YTHDC1: variants seen among roughly 807,000 people sequenced by gnomAD.
YTHDC1 encodes YTH N6-methyladenosine RNA binding protein C1, also known as YTH domain-containing protein 1.
Under a neutral mutation model 107.0 loss-of-function variants are expected in YTHDC1, and 12 were observed. The observed-to-expected ratio is 0.11, with a 90% CI of 0.07 to 0.18. YTHDC1 has a LOEUF of 0.18. YTHDC1 is among the 10% of genes least tolerant of loss of function. The pLI, the probability that YTHDC1 is intolerant of heterozygous loss-of-function variation, is 1.00. For synonymous variants in YTHDC1, 280 were observed against 289.5 expected, an observed-to-expected ratio of 0.97 and a Z score of 0.33; for missense variants, 635 against 898.8, an observed-to-expected ratio of 0.71 and a Z score of 3.75.
At chr4:68,345,775 T>C (rs1725338950) in intron 1 of YTHDC1, among the ~76,000 whole-genome samples, 1 of 152,128 alleles carries the variant, frequency 6.6e-6, no homozygotes, top group Non-Finnish European at 1.5e-5. Context: ...AGGGCCATAG[T>C]ATATACACAT....
At chr4:68,334,686 T>C (rs558938804) in intron 4 of YTHDC1, among the ~76,000 whole-genome samples, 1 of 152,282 alleles carries the variant, frequency 6.6e-6, no homozygotes, top group African/African-American at 2.4e-5. Context: ...CTGAGTGTAA[T>C]TTATCTCTTG....
In YTHDC1 at chr4:68,349,807, CGCGCGGGCGCCGCAGCCGCGGCAGAA is replaced by C; in HGVS notation, c.-80_-55del. On this transcript the variant is annotated 5_prime_UTR_variant, in exon 1 of 17. Coordinates refer to ENST00000344157, the MANE Select transcript of YTHDC1 (RefSeq NM_001031732.4). ...CCGCCGCCGCCGCTTAGACGCGACT[CGCGCGGGCGCCGCAGCCGCGGCAGAA>C]GCACGGGCCCGTCCGTCAGTCCGTC... is the stretch of plus-strand genomic sequence containing the variant. 2.5e-6 allele frequency: 4 copies of C among 1,610,232 alleles called. No homozygotes were observed. The highest frequency in any genetic ancestry group is 1.1e-5 in the South Asian group (1 of 90,932).
At chr4:68,324,928 T>A (rs1038522397) in intron 9 of YTHDC1, among the ~76,000 whole-genome samples, 2 of 152,140 alleles carry the variant, frequency 1.3e-5, no homozygotes, top group Admixed American at 6.6e-5. Flanking sequence ...TAAAAAGATA[T>A]CCTCTATTTT....
intron 1 of YTHDC1, among the ~76,000 whole-genome samples, chr4:68,343,450 C>G (rs1466119864): frequency 2.0e-5 from 3 of 150,108 alleles, no homozygotes; most frequent in Non-Finnish European, 3.0e-5. Flanking sequence ...GATCCACCTG[C>G]CTTGGCCTCC....
intron 10 of YTHDC1, among the ~76,000 whole-genome samples, chr4:68,323,176 C>T (rs1722619950): frequency 6.6e-6 from 1 of 151,994 alleles, no homozygotes; most frequent in African/African-American, 2.4e-5. Context: ...GTGACAACCA[C>T]CCTCTGAAAA....
intron 9 of YTHDC1, among the ~76,000 whole-genome samples, chr4:68,329,311 G>A (rs1393970620): frequency 6.6e-6 from 1 of 152,054 alleles, no homozygotes; most frequent in Non-Finnish European, 1.5e-5. Flanking sequence ...TCCATCATAT[G>A]CATAGCATTT....
At chr4:68,335,124 T>C (rs548216307) in intron 4 of YTHDC1, among the ~76,000 whole-genome samples, 2 of 152,278 alleles carry the variant, frequency 1.3e-5, no homozygotes, top group African/African-American at 4.8e-5. Context: ...AATCAGTCTG[T>C]TGCTTTTATA....
intron 1 of YTHDC1, among the ~76,000 whole-genome samples, chr4:68,348,308 C>T (rs998631641): frequency 2.6e-5 from 4 of 152,184 alleles, no homozygotes; most frequent in African/African-American, 9.6e-5. Flanking sequence ...ACAACCACTA[C>T]AGACTCCCAT....
rs1196314344 is a variant in YTHDC1, at chr4:68,337,203, T to A, written c.707A>T (p.Glu236Val). ...CTCCTCCTCCTCCTCTTCCTCCTCCTCCTCTTCCTCCTCCTCCTCTCCATC... is the reference window on the plus strand; with the variant it reads ...CTCCTCCTCCTCCTCTTCCTCCTCCACCTCTTCCTCCTCCTCCTCTCCATC... Reference protein sequence around the residue: ...DEDGEEEEEEEEEEEEEEEEE... With the variant: ...DEDGEEEEEEVEEEEEEEEEE... The change falls in exon 4 of 17, where the codon GAG (glutamate) becomes GTG (valine). Residue 236 changes from glutamate to valine, a missense_variant. This residue lies in a region of YTHDC1 where 294 missense variants were observed against 312.3 expected (regional missense o/e 0.94). Coordinates refer to ENST00000344157, the MANE Select transcript of YTHDC1 (RefSeq NM_001031732.4). 3 of 1,601,610 alleles carry A rather than the reference T, an allele frequency of 1.9e-6. No individual in the cohort carries two copies. The highest frequency in any genetic ancestry group is 1.7e-5 in the Admixed American group (1 of 59,698).
intron 6 of YTHDC1, among the ~76,000 whole-genome samples, chr4:68,332,410 G>C (rs1468081214): frequency 6.6e-6 from 1 of 152,052 alleles, no homozygotes; most frequent in Non-Finnish European, 1.5e-5. Context: ...CTAACCTAGT[G>C]ATGTTCCGAT....
chr4:68,346,890 T>C (rs754519782), intron 1 of YTHDC1, among the ~76,000 whole-genome samples: 1 of 152,194 alleles, frequency 6.6e-6, no homozygotes, highest in East Asian at 1.9e-4. Context: ...GATATAGTAA[T>C]ATCCATTGTT....
At chr4:68,336,121 A>G (rs1164875110) in intron 4 of YTHDC1, among the ~76,000 whole-genome samples, 1 of 149,936 alleles carries the variant, frequency 6.7e-6, no homozygotes, top group East Asian at 2.0e-4. Flanking sequence ...TATATATACT[A>G]TATATATAAA....
At chr4:68,340,637 T>TA (rs1724709340) in intron 1 of YTHDC1, among the ~76,000 whole-genome samples, 1 of 151,976 alleles carries the variant, frequency 6.6e-6, no homozygotes, top group Admixed American at 6.6e-5. Flanking sequence ...CACTAATCAG[T>TA]AAAAAAGTAG....
chr4:68,324,851 T>C lies in YTHDC1; in HGVS notation c.1350-628A>G, dbSNP rs149239584. ...TACTGAAACTCAAGGGCAGTATCTA[T>C]ATAATTTAAATACTAAAAACCTGGT... On this transcript the variant is annotated intron_variant, in intron 9 of 16. Transcript: ENST00000344157. Among the ~76,000 whole-genome samples, 11 of 152,302 alleles carry C rather than the reference T, an allele frequency of 7.2e-5. No homozygotes were observed. The East Asian group carries it at 2.1e-3, about 29-fold the overall frequency.
chr4:68,345,958 A>C (rs1180976837), intron 1 of YTHDC1, among the ~76,000 whole-genome samples: 1 of 152,008 alleles, frequency 6.6e-6, no homozygotes, highest in Non-Finnish European at 1.5e-5. Flanking sequence ...AAGTTTGTGT[A>C]AACACACTAT....
At chr4:68,346,402 A>G (rs989593052) in intron 1 of YTHDC1, among the ~76,000 whole-genome samples, 1 of 152,160 alleles carries the variant, frequency 6.6e-6, no homozygotes, top group East Asian at 1.9e-4. Flanking sequence ...AACTGTGTGT[A>G]TATATACAGT....
intron 9 of YTHDC1, among the ~76,000 whole-genome samples, chr4:68,325,191 T>C (rs1484450824): frequency 6.6e-6 from 1 of 152,208 alleles, no homozygotes; most frequent in Non-Finnish European, 1.5e-5. Flanking sequence ...ATCCCTAACC[T>C]TTCTTCCATA....
chr4:68,326,930 T>G (rs1723053957), intron 9 of YTHDC1, among the ~76,000 whole-genome samples: 1 of 150,856 alleles, frequency 6.6e-6, no homozygotes, highest in Non-Finnish European at 1.5e-5. Context: ...GTTTGTTGAT[T>G]AAAGTTAAAA....
At position 68,322,333 on chromosome 4, in the gene YTHDC1, C is replaced by G. The variant is rs1323830085; in HGVS notation, c.1601+416G>C. On this transcript the variant is annotated intron_variant, in intron 11 of 16. Coordinates refer to ENST00000344157, the MANE Select transcript of YTHDC1 (RefSeq NM_001031732.4). The surrounding 1 kb of genome is among the most constrained non-coding windows in gnomAD (Gnocchi z 4.8). ...GTGATCCTTTATAAAAGTCCCATAT[C>G]TGATAAGGCTTATCCAGAGACATAC... Among the ~76,000 whole-genome samples, 1 of 152,204 alleles carries G rather than the reference C, an allele frequency of 6.6e-6. No homozygotes were observed. Among genetic ancestry groups the G allele is most frequent in the Non-Finnish European group, 1.5e-5 (1 of 68,030 alleles).
Sources: allele counts gnomAD v4.1 joint callset (sites outside exome capture counted in the v4.1 genomes callset), GRCh38; gene constraint gnomAD v4.1.1; regional missense constraint gnomAD v4.1.1; non-coding constraint Gnocchi (gnomAD v3.1); transcripts MANE v1.5; gene names NCBI Gene and HGNC (gene_info 2026-07-23, HGNC 2026-07-21).